SAMD3: variants seen among roughly 807,000 people sequenced by gnomAD.
SAMD3 encodes sterile alpha motif domain-containing protein 3.
In SAMD3, 63 loss-of-function variants were observed where a neutral mutation model predicts 58.5. The ratio of observed to expected loss-of-function variants is 1.08; its 90% CI spans 0.88 to 1.33. The LOEUF (loss-of-function observed/expected upper bound fraction) is 1.33. Ranked by LOEUF, SAMD3 falls within the 40% of genes most tolerant of loss-of-function variation. The pLI is 0.00. For missense variants in SAMD3, 604 were observed against 608.4 expected (o/e 0.99, Z 0.08); for synonymous variants, 220 against 210.3 (o/e 1.05, Z -0.40).
At chr6:130,183,873 A>G (rs1792654169) in intron 7 of SAMD3, among the ~76,000 whole-genome samples, 1 of 152,126 alleles carries the variant, frequency 6.6e-6, no homozygotes, top group African/African-American at 2.4e-5. Context: ...AAAGTCAAGA[A>G]AGAAGCATGG....
At chr6:130,315,150 G>A (rs962686045) in intron 1 of SAMD3, among the ~76,000 whole-genome samples, 3 of 152,044 alleles carry the variant, frequency 2.0e-5, no homozygotes, top group Admixed American at 2.0e-4. Context: ...GGCATGTTGT[G>A]TAACCTATGT....
intron 2 of SAMD3, among the ~76,000 whole-genome samples, chr6:130,263,706 T>C (rs1228473644): frequency 6.6e-6 from 1 of 152,200 alleles, no homozygotes; most frequent in African/African-American, 2.4e-5. Flanking sequence ...ATGCTTGCCT[T>C]GTGGAGACTT....
intron 2 of SAMD3, among the ~76,000 whole-genome samples, chr6:130,296,559 G>A (rs975395796): frequency 6.6e-6 from 1 of 152,216 alleles, no homozygotes; most frequent in African/African-American, 2.4e-5. Flanking sequence ...GGGGGCCAGA[G>A]CACATGCACT....
Position 130,269,336 on chromosome 6 carries a change from T to G in SAMD3, c.-188+43642A>C, listed in dbSNP as rs539011864. Among the ~76,000 whole-genome samples the G allele has an allele frequency of 5.9e-5, 9 of 152,298 alleles. No individual in the cohort carries two copies. The East Asian group carries it at 1.4e-3, about 23-fold the overall frequency. On this transcript the variant is annotated intron_variant, in intron 2 of 13. Coordinates refer to the SAMD3 transcript ENST00000368134. Reference sequence around the variant, plus strand: ...TGGTAGAATAATCAAGTGAAACCATTTGGGGCTGGATATTCTTTTTTAGAG... The same window carrying G: ...TGGTAGAATAATCAAGTGAAACCATGTGGGGCTGGATATTCTTTTTTAGAG...
chr6:130,313,871 C>T (rs1319372328), intron 1 of SAMD3, among the ~76,000 whole-genome samples: 1 of 152,232 alleles, frequency 6.6e-6, no homozygotes, highest in Non-Finnish European at 1.5e-5. Context: ...TCTGTTTTCT[C>T]TGGTCTGCCA....
At chr6:130,325,421 G>T (rs1743234333) in intron 1 of SAMD3, among the ~76,000 whole-genome samples, 1 of 152,152 alleles carries the variant, frequency 6.6e-6, no homozygotes, top group African/African-American at 2.4e-5. Context: ...CTCCTGAAGA[G>T]AGAGAATTCA....
At chr6:130,232,251 CTGAT>C (rs1350265269) in intron 2 of SAMD3, among the ~76,000 whole-genome samples, 2 of 152,120 alleles carry the variant, frequency 1.3e-5, no homozygotes, top group African/African-American at 2.4e-5. Flanking sequence ...TTACAATAGA[CTGAT>C]TGGTGTTTAA....
rs147527801 is a variant in SAMD3, at chr6:130,318,620, G to T, written c.-303-5527C>A. ...ATTTTTGTATTTTTAGTAGTGATGG[G>T]GTTTCACTATGTTGGCTAGGCTGGT... On this transcript the variant is annotated intron_variant, in intron 1 of 13. Transcript: ENST00000368134. Among the ~76,000 whole-genome samples, 325 of 152,110 alleles carry T rather than the reference G, an allele frequency of 2.1e-3. 6 individuals are homozygous for T. In the East Asian group the frequency reaches 0.056, roughly 26 times the overall value.
At chr6:130,188,684 A>C (rs970554957) in intron 5 of SAMD3, among the ~76,000 whole-genome samples, 4 of 152,170 alleles carry the variant, frequency 2.6e-5, no homozygotes, top group Non-Finnish European at 5.9e-5. Context: ...CTGATTGACA[A>C]ATTCAGGGCC....
chr6:130,271,148 C>T (rs1019555203), intron 2 of SAMD3, among the ~76,000 whole-genome samples: 1 of 151,976 alleles, frequency 6.6e-6, no homozygotes, highest in African/African-American at 2.4e-5. Context: ...TACAGGAGCA[C>T]CACACCATAC....
At chr6:130,202,952 T>G (rs1794775752) in intron 5 of SAMD3, among the ~76,000 whole-genome samples, 2 of 152,174 alleles carry the variant, frequency 1.3e-5, no homozygotes, top group Admixed American at 1.3e-4. Flanking sequence ...CTAATCAGAT[T>G]CTTGAAACTT....
intron 1 of SAMD3, among the ~76,000 whole-genome samples, chr6:130,319,942 C>T (rs1469509871): frequency 1.3e-5 from 2 of 151,684 alleles, no homozygotes; most frequent in Non-Finnish European, 2.9e-5. Context: ...AAACTTGAAG[C>T]AGATCAATAA....
chr6:130,228,411 A>G (rs1181741196), intron 2 of SAMD3, among the ~76,000 whole-genome samples: 1 of 152,174 alleles, frequency 6.6e-6, no homozygotes, highest in Non-Finnish European at 1.5e-5. Context: ...CTGGGCTAAC[A>G]AAATGGAATT....
intron 1 of SAMD3, among the ~76,000 whole-genome samples, chr6:130,355,141 T>C (rs1777787790): frequency 2.0e-5 from 3 of 152,134 alleles, no homozygotes; most frequent in Non-Finnish European, 2.9e-5. Context: ...AGGATGCAAC[T>C]GCCCAGGCAC....
intron 1 of SAMD3, among the ~76,000 whole-genome samples, chr6:130,352,976 CA>C (rs1043352063): frequency 2.6e-5 from 4 of 152,140 alleles, no homozygotes; most frequent in African/African-American, 9.6e-5. Flanking sequence ...TTTCTATCGG[CA>C]AAAAGCAAAG....
intron 2 of SAMD3, chr6:130,286,184 C>A (rs1356737398): frequency 6.6e-6 from 1 of 152,254 alleles, no homozygotes; most frequent in Non-Finnish European, 1.5e-5. Flanking sequence ...TACCTGCTTT[C>A]TTCCATGCTA....
chr6:130,341,151 G>A (rs1034025297), intron 1 of SAMD3, among the ~76,000 whole-genome samples: 9 of 135,592 alleles, frequency 6.6e-5, no homozygotes, highest in African/African-American at 2.8e-4. Context: ...GGGAGGGAGG[G>A]AGGAAGAGAG....
intron 2 of SAMD3, among the ~76,000 whole-genome samples, chr6:130,236,143 T>C (rs1012241270): frequency 2.0e-5 from 3 of 152,242 alleles, no homozygotes; most frequent in South Asian, 4.1e-4. Flanking sequence ...AGTCTTTGTA[T>C]ACAAATTATT....
intron 1 of SAMD3, among the ~76,000 whole-genome samples, chr6:130,316,016 C>T (rs1169722968): frequency 3.3e-5 from 5 of 152,122 alleles, no homozygotes; most frequent in Admixed American, 6.5e-5. Flanking sequence ...AGGGGCCGGG[C>T]GTGGTGGCTC....
Sources: gnomAD v4.1 joint callset for allele counts (sites outside exome capture counted in the v4.1 genomes callset) on GRCh38, gnomAD v4.1.1 for gene constraint, MANE v1.5 for transcripts, NCBI Gene and HGNC (gene_info 2026-07-23, HGNC 2026-07-21) for gene names.